The following KLHL20 variants were observed in gnomAD, a reference collection of about 807,000 sequenced individuals.
KLHL20 encodes the protein kelch like family member 20, also known as kelch-like protein 20.
In KLHL20, 29 loss-of-function variants were observed where a neutral mutation model predicts 69.5. The observed-to-expected ratio is 0.42, with a 90% confidence interval of 0.31 to 0.57. KLHL20 has a LOEUF of 0.57. KLHL20 is among the 20% of genes least tolerant of loss of function. The pLI, the probability that KLHL20 is intolerant of heterozygous loss-of-function variation, is 0.18. For missense variants in KLHL20, 419 were observed against 776.0 expected, an observed-to-expected ratio of 0.54 and a Z score of 5.47; for synonymous variants, 253 against 265.2, an observed-to-expected ratio of 0.95 and a Z score of 0.45.
chr1:173,715,731 G>C, intron 1 of KLHL20: 1 of 338,314 alleles, frequency 3.0e-6, no homozygotes, highest in Non-Finnish European at 5.4e-6. Context: ...ATATCTCCAA[G>C]CACTTTTTGA....
At chr1:173,735,698 C>T (rs1185940257) in intron 3 of KLHL20, among the ~76,000 whole-genome samples, 2 of 152,068 alleles carry the variant, frequency 1.3e-5, no homozygotes, top group African/African-American at 2.4e-5. Context: ...GGTGCATCCA[C>T]CACCCGAGCA....
intron 10 of KLHL20, among the ~76,000 whole-genome samples, chr1:173,780,582 C>G (rs558808066): frequency 1.3e-5 from 2 of 151,996 alleles, no homozygotes; most frequent in Non-Finnish European, 2.9e-5. Flanking sequence ...ATTTGAGACC[C>G]GCGTGGGCAA....
chr1:173,718,900 C>T (rs1401242772), intron 2 of KLHL20, among the ~76,000 whole-genome samples: 1 of 151,620 alleles, frequency 6.6e-6, no homozygotes, highest in Non-Finnish European at 1.5e-5. Context: ...GTCAGGAGAT[C>T]GAGACCATCT....
chr1:173,727,761 G>A (rs1672048872), intron 2 of KLHL20, among the ~76,000 whole-genome samples: 1 of 152,028 alleles, frequency 6.6e-6, no homozygotes, highest in Non-Finnish European at 1.5e-5. Flanking sequence ...CACTAAACAG[G>A]GAAAGGAACA....
chr1:173,743,133 A>G (rs897736302), intron 3 of KLHL20, among the ~76,000 whole-genome samples: 18 of 141,736 alleles, frequency 1.3e-4, no homozygotes, highest in African/African-American at 4.7e-4. Flanking sequence ...AAAAAAAAAA[A>G]AGGTGGTCAA....
At chr1:173,743,265 AT>A (rs1462220501) in intron 3 of KLHL20, among the ~76,000 whole-genome samples, 3 of 152,058 alleles carry the variant, frequency 2.0e-5, no homozygotes, top group Non-Finnish European at 4.4e-5. Flanking sequence ...TATTTGAAAA[AT>A]ATTCAAATTT....
chr1:173,763,708 T>C (rs1254131691), intron 7 of KLHL20, among the ~76,000 whole-genome samples: 1 of 152,026 alleles, frequency 6.6e-6, no homozygotes, highest in African/African-American at 2.4e-5. Context: ...AACTGGATCC[T>C]CAGCTCTCAC....
rs2102546486 is a variant in KLHL20 at position 173,785,542 on chromosome 1, AACTT to A, written c.*300_*303del. 5.3e-6 allele frequency: 1 copy of A among 189,054 alleles called. No homozygotes were observed. The highest frequency in any genetic ancestry group is 2.4e-5 in the African/African-American group (1 of 42,430). The allele number at this position is 189,054 out of a possible 1,614,324, so 11.7% of individuals were successfully genotyped here. ...AAGAAGAAAAAATTCCAAGCAGCAA[AACTT>A]ACTTTGTTTGTAAGGTATTCATTTA... On this transcript the variant is annotated 3_prime_UTR_variant, in exon 12 of 12. Coordinates refer to ENST00000209884, the MANE Select transcript of KLHL20 (RefSeq NM_014458.4).
At chr1:173,749,302 C>T (rs1673204635) in intron 3 of KLHL20, among the ~76,000 whole-genome samples, 1 of 152,142 alleles carries the variant, frequency 6.6e-6, no homozygotes, top group Non-Finnish European at 1.5e-5. Context: ...GATGACTTTG[C>T]TTAGTCATTC....
intron 6 of KLHL20, 54 bp from the exon 7 acceptor site, chr1:173,756,922 T>C (rs1245743917): frequency 1.2e-5 from 19 of 1,548,418 alleles, no homozygotes; most frequent in Non-Finnish European, 1.6e-5. Context: ...TAGTGAGTGT[T>C]ACATTTTATG....
intron 2 of KLHL20, among the ~76,000 whole-genome samples, chr1:173,722,687 AT>A (rs66503240): frequency 3.1e-3 from 434 of 138,250 alleles, no homozygotes; most frequent in Non-Finnish European, 3.7e-3. Flanking sequence ...TGCTATGGTA[AT>A]TTTTTTTTTT....
intron 3 of KLHL20, among the ~76,000 whole-genome samples, chr1:173,747,490 G>A (rs975165909): frequency 7.9e-5 from 12 of 151,906 alleles, no homozygotes; most frequent in South Asian, 2.1e-4. Context: ...GTTTCCATTT[G>A]ACTGTATATA....
chr1:173,765,600 T>C (rs1045396551), intron 7 of KLHL20, among the ~76,000 whole-genome samples: 1 of 152,068 alleles, frequency 6.6e-6, no homozygotes, highest in Non-Finnish European at 1.5e-5. Context: ...TTGTTTTTAA[T>C]AGGAAAATAT....
In KLHL20 at chr1:173,733,631, G is replaced by T. The variant is rs550679237; in HGVS notation, c.24-82G>T. 982 of 1,164,380 alleles carry T rather than the reference G, an allele frequency of 8.4e-4. 2 individuals are homozygous for T. The highest frequency in any genetic ancestry group is 1.2e-3 in the Non-Finnish European group (945 of 820,080). 72.1% of individuals were successfully genotyped at this position (1,164,380 alleles called of 1,614,324 possible). ...ACCAAGCTAATTACATTTCCTTATC[G>T]CTTGAATTACAAACATTTAAGGGGA... On this transcript the variant is annotated intron_variant, in intron 2 of 11. Transcript: ENST00000209884.
chr1:173,741,980 T>G, intron 3 of KLHL20: 1 of 650,736 alleles, frequency 1.5e-6, no homozygotes, highest in Non-Finnish European at 2.6e-6. Flanking sequence ...AAACACATTT[T>G]GGATAAAAAA....
At chr1:173,731,360 A>G (rs934210147) in intron 2 of KLHL20, among the ~76,000 whole-genome samples, 1 of 152,096 alleles carries the variant, frequency 6.6e-6, no homozygotes, top group Admixed American at 6.5e-5. Context: ...AGCCATCCCA[A>G]TACTGGGTAT....
At chr1:173,745,170 C>CTTTTTTTTTTTTT (rs796578983) in intron 3 of KLHL20, among the ~76,000 whole-genome samples, 52 of 115,514 alleles carry the variant, frequency 4.5e-4, no homozygotes, top group Non-Finnish European at 6.4e-4. Flanking sequence ...TTTCTTTTTT[C>CTTTTTTTTTTTTT]TTTTTTTTTT....
At chr1:173,731,737 A>C (rs1672290091) in intron 2 of KLHL20, among the ~76,000 whole-genome samples, 1 of 121,836 alleles carries the variant, frequency 8.2e-6, no homozygotes, top group South Asian at 3.1e-4. Flanking sequence ...GGGGGGAGGG[A>C]TAGCATTAGG....
At chr1:173,756,776 C>T (rs1427244329) in intron 6 of KLHL20, among the ~76,000 whole-genome samples, 200 bp from the exon 7 acceptor site, 4 of 152,092 alleles carry the variant, frequency 2.6e-5, no homozygotes, top group Non-Finnish European at 4.4e-5. Flanking sequence ...GTAAAATAGA[C>T]GTAATACTAA....
Sources: gnomAD v4.1 joint callset for allele counts (sites outside exome capture counted in the v4.1 genomes callset) on GRCh38, gnomAD v4.1.1 for gene constraint, MANE v1.5 for transcripts, NCBI Gene and HGNC (gene_info 2026-07-23, HGNC 2026-07-21) for gene names.